Variants in CORO2B observed in about 807,000 individuals in gnomAD.
CORO2B encodes the protein coronin 2B, also known as coronin-2B.
Under a neutral mutation model 58.8 loss-of-function variants are expected in CORO2B, and 26 were observed. That is an observed-to-expected ratio of 0.44 (90% CI 0.32 to 0.61). The LOEUF is 0.61. Among genes scored for constraint, CORO2B ranks in the 20% least tolerant of loss-of-function variants. CORO2B has a pLI of 0.04. For synonymous variants in CORO2B, 242 were observed against 253.8 expected (o/e 0.95, Z 0.44); for missense variants, 460 against 645.1 (o/e 0.71, Z 3.11).
At chr15:68,584,336 C>T (rs1447813411) in intron 1 of CORO2B, among the ~76,000 whole-genome samples, 4 of 152,198 alleles carry the variant, frequency 2.6e-5, no homozygotes, top group Admixed American at 6.5e-5. Context: ...TCCCCTCCCC[C>T]GAGGCACTGC....
At chr15:68,633,389 AT>A (rs1445373278) in intron 1 of CORO2B, among the ~76,000 whole-genome samples, 5 of 152,142 alleles carry the variant, frequency 3.3e-5, no homozygotes, top group African/African-American at 1.2e-4. Flanking sequence ...ACAAAAACCC[AT>A]TGATTTCCTC....
Position 68,708,754 on chromosome 15 carries a change from A to G in CORO2B, c.334-1978A>G, listed in dbSNP as rs1343024169. 3.3e-5 allele frequency among the ~76,000 whole-genome samples: 5 copies of G among 151,764 alleles called. No homozygotes were observed. In the East Asian group the frequency reaches 9.7e-4, roughly 30 times the overall value. The stretch of plus-strand genomic sequence containing the variant: ...GAGTGCAGTGGTACATTCATAGCTC[A>G]CTGCAGCCTTGAACTCCTGGGCTTA... On this transcript the variant is annotated intron_variant, in intron 3 of 11. Coordinates refer to ENST00000261861, the MANE Select transcript of CORO2B (RefSeq NM_006091.5).
At chr15:68,595,745 G>T in intron 1 of CORO2B, among the ~76,000 whole-genome samples, 1 of 152,254 alleles carries the variant, frequency 6.6e-6, no homozygotes, top group East Asian at 1.9e-4. Flanking sequence ...GACACACAGA[G>T]GGGACCAATT....
chr15:68,717,575 C>G (rs1279463817), intron 8 of CORO2B, among the ~76,000 whole-genome samples: 2 of 152,184 alleles, frequency 1.3e-5, no homozygotes, highest in African/African-American at 4.8e-5. Flanking sequence ...TCATCCTCAT[C>G]CTCATCCTCC....
the CORO2B span, chr15:68,559,595 C>T: frequency 5.1e-6 from 5 of 985,216 alleles, no homozygotes; most frequent in African/African-American, 3.5e-5. This position sits in a 1 kb window ranked among gnomAD's most constrained non-coding sequence, Gnocchi z 4.3. Flanking sequence ...GGGGAGCAGA[C>T]GGAACAAGCG....
At chr15:68,550,943 T>A in the CORO2B span, among the ~76,000 whole-genome samples, 1 of 151,874 alleles carries the variant, frequency 6.6e-6, no homozygotes, top group Non-Finnish European at 1.5e-5. Context: ...ACCTCCAGTC[T>A]CCCTCCCACT....
At chr15:68,707,003 C>T (rs960809232) in intron 3 of CORO2B, among the ~76,000 whole-genome samples, 1 of 152,172 alleles carries the variant, frequency 6.6e-6, no homozygotes, top group African/African-American at 2.4e-5. Context: ...CTCTGTCGCC[C>T]AGGCTGGAGT....
chr15:68,575,577 G>GCGC (rs370419859), upstream of CORO2B, among the ~76,000 whole-genome samples: 1 of 38,752 alleles, frequency 2.6e-5, no homozygotes, highest in Non-Finnish European at 5.7e-5. Flanking sequence ...CTTGTGATCT[G>GCGC]CCCCCGCCTC....
rs1428078178 is a variant in CORO2B at position 68,624,635 on chromosome 15, T to C, written c.16-20525T>C. On this transcript the variant is annotated intron_variant, in intron 1 of 11. Transcript: ENST00000261861. Reference sequence around the variant, plus strand: ...AGTTCCTGGGGTCCATGCCCAGAGATTATAATTCACTAGATCTGGGGTGGG... The same window carrying C: ...AGTTCCTGGGGTCCATGCCCAGAGACTATAATTCACTAGATCTGGGGTGGG... 6.6e-5 allele frequency among the ~76,000 whole-genome samples: 10 copies of C among 152,030 alleles called. No individual in the cohort carries two copies. The East Asian group carries it at 1.4e-3, about 21-fold the overall frequency.
chr15:68,612,568 T>C (rs1255059447), intron 1 of CORO2B, among the ~76,000 whole-genome samples: 2 of 152,188 alleles, frequency 1.3e-5, no homozygotes, highest in African/African-American at 2.4e-5. Flanking sequence ...TTTCATACCC[T>C]TGAGTTCCAG....
chr15:68,602,420 C>G (rs1900008159), intron 1 of CORO2B, among the ~76,000 whole-genome samples: 1 of 147,906 alleles, frequency 6.8e-6, no homozygotes, highest in Non-Finnish European at 1.5e-5. Flanking sequence ...CACACACACA[C>G]ACACACACAC....
chr15:68,641,741 T>C lies in CORO2B; in HGVS notation c.16-3419T>C, dbSNP rs541783938. Among the ~76,000 whole-genome samples the C allele has an allele frequency of 5.3e-5, 8 of 152,274 alleles. No individual in the cohort carries two copies. In the South Asian group the frequency reaches 1.7e-3, roughly 32 times the overall value. On this transcript the variant is annotated intron_variant, in intron 1 of 11. Transcript: ENST00000261861. ...CCACCTTTATTTTTTATTTATTTTT[T>C]TGAGACAGAGTTCGGCACTGTCGCC...
At chr15:68,570,799 G>GT in the CORO2B span, among the ~76,000 whole-genome samples, 604 of 78,764 alleles carry the variant, frequency 7.7e-3, 102 homozygotes, top group African/African-American at 0.015. Context: ...ACTACACGTA[G>GT]TTTTTTTTTT....
chr15:68,646,918 C>T (rs991332279), intron 2 of CORO2B, among the ~76,000 whole-genome samples: 2 of 152,154 alleles, frequency 1.3e-5, no homozygotes, highest in African/African-American at 4.8e-5. Context: ...AGATGGCCTC[C>T]GATCACTGTT....
Position 68,715,310 on chromosome 15 carries a change from A to C in CORO2B, c.966A>C (p.Leu322=). 1 of 1,613,350 alleles carries C rather than the reference A, an allele frequency of 6.2e-7. No individual in the cohort carries two copies. The highest frequency in any genetic ancestry group is 2.2e-5 in the East Asian group (1 of 44,860). The change falls in exon 8 of 12, where the codon CTA becomes CTC. Residue 322 remains leucine (L), a splice_region_variant and synonymous_variant. Coordinates refer to ENST00000261861, the MANE Select transcript of CORO2B (RefSeq NM_006091.5). The part of the protein sequence containing the change: ...EFRSPAPQKG[L]GVMPKHGLDV... ...GCTCCCCAGCCCCGCAGAAAGGCCT[A>C]GGTAAGTGGCCCCGAGGCTGCCACA...
intron 1 of CORO2B, among the ~76,000 whole-genome samples, chr15:68,624,883 A>G (rs901367902): frequency 3.9e-5 from 6 of 152,060 alleles, no homozygotes; most frequent in African/African-American, 9.7e-5. Flanking sequence ...GGGTTTTGCC[A>G]TGTTGGCCAG....
chr15:68,658,456 C>T (rs567103951), intron 2 of CORO2B, among the ~76,000 whole-genome samples: 1 of 152,352 alleles, frequency 6.6e-6, no homozygotes, highest in Non-Finnish European at 1.5e-5. Context: ...CAGATAACAA[C>T]CTGGGTAGAA....
chr15:68,644,552 G>A (rs545589799), intron 1 of CORO2B, among the ~76,000 whole-genome samples: 7 of 152,268 alleles, frequency 4.6e-5, no homozygotes, highest in African/African-American at 1.7e-4. Context: ...CCTTGGACAA[G>A]TCACTTAACC....
At chr15:68,623,927 T>C (rs1900601406) in intron 1 of CORO2B, among the ~76,000 whole-genome samples, 1 of 152,146 alleles carries the variant, frequency 6.6e-6, no homozygotes, top group African/African-American at 2.4e-5. Context: ...GTTGGGAAGA[T>C]GCCCTTTCTA....
Sources: allele counts gnomAD v4.1 joint callset (sites outside exome capture counted in the v4.1 genomes callset), GRCh38; gene constraint gnomAD v4.1.1; non-coding constraint Gnocchi (gnomAD v3.1); transcripts MANE v1.5; gene names NCBI Gene and HGNC (gene_info 2026-07-23, HGNC 2026-07-21).